The following DDA1 variants were observed in gnomAD, a reference collection of about 807,000 sequenced individuals.
DDA1 encodes the protein DET1- and DDB1-associated protein 1.
In DDA1, 3 loss-of-function variants were observed where a neutral mutation model predicts 18.6. The observed-to-expected ratio is 0.16, with a 90% confidence interval of 0.07 to 0.42. The LOEUF (loss-of-function observed/expected upper bound fraction) is 0.42, where lower values mean the gene tolerates loss of function less well. Ranked by LOEUF, DDA1 falls within the 10% of genes least tolerant of loss-of-function variation. The probability of loss-of-function intolerance (pLI) is 0.99; values close to 1 mark genes in which losing one functional copy is unlikely to be tolerated. For synonymous variants in DDA1, 52 were observed against 54.0 expected (o/e 0.96, Z 0.17); for missense variants, 105 against 138.2 (o/e 0.76, Z 1.20).
chr19:17,319,634 C>A lies in DDA1; in HGVS notation c.287C>A (p.Pro96Gln). The change falls in exon 5 of 5, where the codon CCA (proline) becomes CAA (glutamine). Residue 96 changes from proline to glutamine, a missense_variant. This residue lies in a region of DDA1 where 62 missense variants were observed against 55.8 expected (regional missense o/e 1.11). Coordinates refer to ENST00000359866, the MANE Select transcript of DDA1 (RefSeq NM_024050.6). ...CGCAAGGTGGCGCGGACCGACAGCC[C>A]AGACATGCACGAGGACACTTAAGAC... Reference protein sequence around the residue: ...PPRKVARTDSPDMHEDT With the variant: ...PPRKVARTDSQDMHEDT 6.4e-7 allele frequency: 1 copy of A among 1,573,638 alleles called. No individual in the cohort carries two copies. Among genetic ancestry groups the A allele is most frequent in the African/African-American group, 1.3e-5 (1 of 74,166 alleles).
rs987362960 is a variant in DDA1, at chr19:17,314,492, A to G, written c.136+103A>G. The stretch of plus-strand genomic sequence containing the variant: ...GTTATCTTCAACCCCGGCCCAGGCC[A>G]TAGACTTGGCTTGGGTTCACACGCT... On this transcript the variant is annotated intron_variant, in intron 3 of 4. Coordinates refer to ENST00000359866, the MANE Select transcript of DDA1 (RefSeq NM_024050.6). The surrounding 1 kb of genome is among the most constrained non-coding windows in gnomAD (Gnocchi z 4.6). The G allele has an allele frequency of 8.6e-6, 13 of 1,505,808 alleles. No homozygotes were observed. The highest frequency in any genetic ancestry group is 1.7e-5 in the Admixed American group (1 of 57,380). 93.3% of individuals were successfully genotyped at this position (1,505,808 alleles called of 1,614,324 possible).
chr19:17,319,873 C>T lies in DDA1; in HGVS notation c.*217C>T, dbSNP rs1354915202. 1.8e-6 allele frequency: 1 copy of T among 546,246 alleles called. No homozygotes were observed. The highest frequency in any genetic ancestry group is 3.3e-6 in the Non-Finnish European group (1 of 306,754). 33.8% of individuals were successfully genotyped at this position (546,246 alleles called of 1,614,324 possible). Reference sequence around the variant, plus strand: ...ATCAAGCGTTGGTTAAAGGGGACATCAGACCCAGTAGTGTGATGTTGGTAG... The same window carrying T: ...ATCAAGCGTTGGTTAAAGGGGACATTAGACCCAGTAGTGTGATGTTGGTAG... On this transcript the variant is annotated 3_prime_UTR_variant, in exon 5 of 5. Transcript: ENST00000359866.
intron 3 of DDA1, among the ~76,000 whole-genome samples, chr19:17,315,428 G>GAATATATATATATATATATATATATATA: frequency 1.4e-5 from 1 of 71,380 alleles, no homozygotes; most frequent in African/African-American, 9.6e-5. Flanking sequence ...GTGTGTGTGT[G>GAATATATATATATATATATATATATATA]CATATATATA....
At chr19:17,318,751 C>A (rs144634948) in intron 4 of DDA1, among the ~76,000 whole-genome samples, 239 of 150,496 alleles carry the variant, frequency 1.6e-3, no homozygotes, top group African/African-American at 5.7e-3. Flanking sequence ...CTGCAACCTC[C>A]GCCTCTTGGG....
rs1243681887 is a variant in DDA1, at chr19:17,320,925, C to T, written c.*1269C>T. ...CTGGGGCTGGGGGAACACCGCTTCT[C>T]CCCTTATTGCCCCCACTGGTGGTGG... On this transcript the variant is annotated 3_prime_UTR_variant, in exon 5 of 5. Coordinates refer to ENST00000359866, the MANE Select transcript of DDA1 (RefSeq NM_024050.6). 2 of 152,338 alleles carry T rather than the reference C, an allele frequency of 1.3e-5. No homozygotes were observed. The highest frequency in any genetic ancestry group is 4.8e-5 in the African/African-American group (2 of 41,456). The allele number at this position is 152,338 out of a possible 1,614,324, so 9.4% of individuals were successfully genotyped here.
intron 4 of DDA1, among the ~76,000 whole-genome samples, chr19:17,319,138 TG>T (rs1314626359): frequency 1.7e-4 from 26 of 152,188 alleles, no homozygotes; most frequent in Non-Finnish European, 1.2e-4. Flanking sequence ...TTGCATGTGG[TG>T]GGGGTGACTC....
rs377593498 is a variant in DDA1 at position 17,315,286 on chromosome 19, C to CGTG, written c.137-648_137-647insGTG. 2.0e-3 allele frequency among the ~76,000 whole-genome samples: 59 copies of CGTG among 29,194 alleles called. 26 individuals are homozygous for CGTG. Among genetic ancestry groups the CGTG allele is most frequent in the Non-Finnish European group, 2.4e-3 (33 of 13,880 alleles). 19.2% of individuals were successfully genotyped at this position (29,194 alleles called of 152,430 possible). A position where few individuals can be genotyped will look rare whatever the true frequency, so the allele number is the denominator to read the frequency against. On this transcript the variant is annotated intron_variant, in intron 3 of 4. Transcript: ENST00000359866. ...ATACACACACGTGTATATACACACA[C>CGTG]TATATATATACACACGTGTATATAT...
At chr19:17,310,794 C>G (rs1331905897) in intron 1 of DDA1, among the ~76,000 whole-genome samples, 1 of 151,602 alleles carries the variant, frequency 6.6e-6, no homozygotes, top group Admixed American at 6.6e-5. Context: ...ATTAGATTGT[C>G]TCTGCCTTCT....
rs2074196659 is a variant in DDA1, at chr19:17,315,117, ACACG to A, written c.136+729_136+732del. On this transcript the variant is annotated intron_variant, in intron 3 of 4. Transcript: ENST00000359866. The stretch of plus-strand genomic sequence containing the variant: ...TATATATACACACATATATATACAC[ACACG>A]TATATATACACACATATATATACAC... 1.8e-5 allele frequency among the ~76,000 whole-genome samples: 2 copies of A among 113,144 alleles called. 1 individual carries two copies. The highest frequency in any genetic ancestry group is 5.4e-4 in the East Asian group (2 of 3,686). The allele number at this position is 113,144 out of a possible 152,430, so 74.2% of individuals were successfully genotyped here. A position where few individuals can be genotyped will look rare whatever the true frequency, so the allele number is the denominator to read the frequency against.
intron 4 of DDA1, 137 bp downstream of exon 4, chr19:17,316,132 C>A: frequency 1.0e-6 from 1 of 957,280 alleles, no homozygotes; most frequent in Non-Finnish European, 1.6e-6. Context: ...CCTGGGCGAT[C>A]CAGGAGAGGG....
At position 17,314,456 on chromosome 19, in the gene DDA1, G is replaced by A. The variant is rs545689461; in HGVS notation, c.136+67G>A. On this transcript the variant is annotated intron_variant, in intron 3 of 4. Coordinates refer to ENST00000359866, the MANE Select transcript of DDA1 (RefSeq NM_024050.6). The surrounding 1 kb of genome is among the most constrained non-coding windows in gnomAD (Gnocchi z 4.6). ...GGGCGGGGTTTGGTGACTGCAGCGT[G>A]GCACGCGGAGGTTATCTTCAACCCC... 6.3e-7 allele frequency: 1 copy of A among 1,597,744 alleles called. No homozygotes were observed. The highest frequency in any genetic ancestry group is 2.2e-5 in the East Asian group (1 of 44,784).
chr19:17,311,022 A>G (rs2074176285), intron 1 of DDA1, among the ~76,000 whole-genome samples: 1 of 151,954 alleles, frequency 6.6e-6, no homozygotes, highest in South Asian at 2.1e-4. Flanking sequence ...CACCAGGCTC[A>G]TTTTTGTACT....
At chr19:17,315,424 G>A (rs1426588528) in intron 3 of DDA1, among the ~76,000 whole-genome samples, 3 of 56,852 alleles carry the variant, frequency 5.3e-5, no homozygotes, top group African/African-American at 2.9e-4. Context: ...GTGTGTGTGT[G>A]TGTGCATATA....
rs921850960 is a variant in DDA1, at chr19:17,317,001, C to T, written c.198+1006C>T. On this transcript the variant is annotated intron_variant, in intron 4 of 4. Transcript: ENST00000359866. ...CCGCGCTTTGGGAGGCCTACGCAGG[C>T]GGATCACGAGGTCAGAAGTTTGAGA... Among the ~76,000 whole-genome samples the T allele has an allele frequency of 5.9e-5, 9 of 152,216 alleles. No individual in the cohort carries two copies. In the South Asian group the frequency reaches 8.3e-4, roughly 14 times the overall value.
intron 3 of DDA1, among the ~76,000 whole-genome samples, chr19:17,315,043 C>G (rs1412100742): frequency 6.8e-6 from 1 of 146,596 alleles, no homozygotes; most frequent in Non-Finnish European, 1.5e-5. Context: ...TCGAGACCAG[C>G]CTGAGCAACA....
rs1599539840 is a variant in DDA1 at position 17,321,781 on chromosome 19, G to A, written c.*2125G>A. On this transcript the variant is annotated 3_prime_UTR_variant, in exon 5 of 5. Transcript: ENST00000359866. ...GTCCTACACAAGGAGTGGCTGACCA[G>A]GCCCAGGCACAGCACAGCCACCCTG... 6.6e-6 allele frequency: 1 copy of A among 152,504 alleles called. No homozygotes were observed. Among genetic ancestry groups the A allele is most frequent in the Admixed American group, 6.5e-5 (1 of 15,296 alleles). 9.4% of individuals were successfully genotyped at this position (152,504 alleles called of 1,614,324 possible).
intron 1 of DDA1, among the ~76,000 whole-genome samples, chr19:17,312,625 C>T (rs2074184499): frequency 6.6e-6 from 1 of 152,172 alleles, no homozygotes; most frequent in Admixed American, 6.5e-5. Flanking sequence ...TGGGCCAGAG[C>T]TCTGCCTTGC....
chr19:17,313,433 C>CTT lies in DDA1; in HGVS notation c.4-564_4-563dup, dbSNP rs57148595. On this transcript the variant is annotated intron_variant, in intron 1 of 4. Transcript: ENST00000359866. ...ACTCACAGGGTTGGATTGAAAATGG[C>CTT]TTTTTTTTTTTTTTTTTTTTTTTTT... 1.8e-3 allele frequency among the ~76,000 whole-genome samples: 151 copies of CTT among 82,540 alleles called. 6 individuals carry two copies. Among genetic ancestry groups the CTT allele is most frequent in the Non-Finnish European group, 2.2e-3 (96 of 43,944 alleles). The allele number at this position is 82,540 out of a possible 152,430, so 54.1% of individuals were successfully genotyped here.
intron 1 of DDA1, among the ~76,000 whole-genome samples, chr19:17,312,675 G>A (rs143233516): frequency 6.6e-6 from 1 of 152,328 alleles, no homozygotes; most frequent in Non-Finnish European, 1.5e-5. Flanking sequence ...TCCTGCAGCC[G>A]CTTCCTGTGC....
Sources: gnomAD v4.1 joint callset for allele counts (sites outside exome capture counted in the v4.1 genomes callset) on GRCh38, gnomAD v4.1.1 for gene constraint, gnomAD v4.1.1 regional missense constraint, Gnocchi (gnomAD v3.1) non-coding constraint, MANE v1.5 for transcripts, NCBI Gene and HGNC (gene_info 2026-07-23, HGNC 2026-07-21) for gene names.